Variants in TMED10 observed in about 807,000 individuals in gnomAD.
The protein encoded by TMED10 is transmembrane p24 trafficking protein 10.
Under a neutral mutation model 23.1 loss-of-function variants are expected in TMED10, and 7 were observed. The observed-to-expected ratio is 0.30, with a 90% confidence interval of 0.17 to 0.57. The LOEUF is 0.57. Among genes scored for constraint, TMED10 ranks in the 20% least tolerant of loss-of-function variants. The pLI, the probability that TMED10 is intolerant of heterozygous loss-of-function variation, is 0.91. For synonymous variants in TMED10, 113 were observed against 106.9 expected, an observed-to-expected ratio of 1.06 and a Z score of -0.35; for missense variants, 162 against 274.8, an observed-to-expected ratio of 0.59 and a Z score of 2.90.
chr14:75,159,162 G>A (rs150094151), intron 1 of TMED10, among the ~76,000 whole-genome samples: 91 of 152,236 alleles, frequency 6.0e-4, no homozygotes, highest in Non-Finnish European at 1.1e-3. Flanking sequence ...TAGACAGCAG[G>A]AATAACAGAT....
chr14:75,150,215 A>G (rs1055621150), intron 2 of TMED10, among the ~76,000 whole-genome samples: 1 of 152,228 alleles, frequency 6.6e-6, no homozygotes, highest in African/African-American at 2.4e-5. Context: ...GACAAGTCAC[A>G]TGTGTCTTCT....
chr14:75,176,382 G>A lies in TMED10; in HGVS notation c.198C>T (p.Gly66=), dbSNP rs1896305964. The change falls in exon 1 of 5, where the codon GGC becomes GGT. Residue 66 remains glycine, a synonymous_variant. Transcript: ENST00000303575. ...TGAGGTGGCTGCGCAGGCCGCCAGC[G>A]CCCCCAGACTGGTCGGAGATCTCGT... ...GAYEISDQSG[G]AGGLRSHLKI... is the part of the protein sequence containing the mutation. 6.2e-7 allele frequency: 1 copy of A among 1,614,138 alleles called. No individual in the cohort carries two copies. The highest frequency in any genetic ancestry group is 1.1e-5 in the South Asian group (1 of 91,082).
intron 1 of TMED10, among the ~76,000 whole-genome samples, chr14:75,175,680 T>C (rs1331696559): frequency 1.3e-5 from 2 of 151,866 alleles, no homozygotes; most frequent in Non-Finnish European, 2.9e-5. Context: ...ACACGGCACA[T>C]GTATACATAT....
intron 1 of TMED10, among the ~76,000 whole-genome samples, chr14:75,173,368 AGAGG>A (rs1316183399): frequency 6.8e-6 from 1 of 146,750 alleles, no homozygotes; most frequent in Non-Finnish European, 1.5e-5. Context: ...AGGGAGGGAG[AGAGG>A]GAGGAAGAAA....
chr14:75,151,931 T>A (rs1895960374), intron 2 of TMED10, 101 bp downstream of exon 2: 1 of 1,041,984 alleles, frequency 9.6e-7, no homozygotes, highest in Non-Finnish European at 1.4e-6. Flanking sequence ...TCAGAATAAA[T>A]AAAGAATACA....
chr14:75,159,974 T>C (rs1361991730), intron 1 of TMED10, among the ~76,000 whole-genome samples: 4 of 152,180 alleles, frequency 2.6e-5, no homozygotes, highest in Non-Finnish European at 5.9e-5. Context: ...ACATGAAATT[T>C]ACCTCCCAGA....
chr14:75,171,208 G>A (rs1173591417), intron 1 of TMED10, among the ~76,000 whole-genome samples: 2 of 152,030 alleles, frequency 1.3e-5, no homozygotes, highest in African/African-American at 2.4e-5. Context: ...AAGAAGGGGT[G>A]GTGAGGAACA....
intron 3 of TMED10, 25 bp from the exon 4 acceptor site, chr14:75,135,911 GCT>G (rs1594863012): frequency 6.2e-7 from 1 of 1,611,840 alleles, no homozygotes; most frequent in Non-Finnish European, 8.5e-7. Flanking sequence ...AATATTTTCA[GCT>G]CTCTGAAAAC....
At chr14:75,136,242 T>C (rs982118654) in intron 3 of TMED10, among the ~76,000 whole-genome samples, 2 of 152,100 alleles carry the variant, frequency 1.3e-5, no homozygotes, top group African/African-American at 4.8e-5. Context: ...CACTGCAGGC[T>C]CGACCTCCTG....
intron 3 of TMED10, among the ~76,000 whole-genome samples, chr14:75,138,812 C>CT (rs59707221): frequency 0.079 from 7,444 of 94,488 alleles, 287 homozygotes; most frequent in African/African-American, 0.11. Context: ...GCCTTTGCTT[C>CT]TTTTTTTTTT....
chr14:75,155,025 C>T (rs535304901), intron 1 of TMED10, among the ~76,000 whole-genome samples: 1 of 151,126 alleles, frequency 6.6e-6, no homozygotes, highest in Non-Finnish European at 1.5e-5. Context: ...GTGGCGCAAT[C>T]CCGGCTCACT....
intron 3 of TMED10, among the ~76,000 whole-genome samples, chr14:75,145,361 G>A (rs779297873): frequency 1.3e-5 from 2 of 152,154 alleles, no homozygotes; most frequent in Non-Finnish European, 2.9e-5. Context: ...AGGAGGTATA[G>A]GGGTTCTAAA....
rs1044880649 is a variant in TMED10 at position 75,131,609 on chromosome 14, G to A, written c.*3276C>T. 2.0e-5 allele frequency: 3 copies of A among 152,540 alleles called. No homozygotes were observed. Among genetic ancestry groups the A allele is most frequent in the African/African-American group, 4.8e-5 (2 of 41,400 alleles). The allele number at this position is 152,540 out of a possible 1,614,324, so 9.4% of individuals were successfully genotyped here. ...TTTATGACAGGGGTCCATGACAATGGTATAACAAGGCTTACTTAAACTGCA... is the reference window on the plus strand; with the variant it reads ...TTTATGACAGGGGTCCATGACAATGATATAACAAGGCTTACTTAAACTGCA... On this transcript the variant is annotated 3_prime_UTR_variant, in exon 5 of 5. Coordinates refer to ENST00000303575, the MANE Select transcript of TMED10 (RefSeq NM_006827.6).
intron 1 of TMED10, among the ~76,000 whole-genome samples, chr14:75,161,998 G>A (rs73311681): frequency 1.3e-5 from 2 of 148,692 alleles, no homozygotes; most frequent in Non-Finnish European, 3.0e-5. Context: ...AGTAAGAAGT[G>A]CTCAAAAACA....
At chr14:75,147,412 T>A (rs1410863001) in intron 3 of TMED10, 13 of 502,854 alleles carry the variant, frequency 2.6e-5, no homozygotes, top group Non-Finnish European at 4.7e-5. Flanking sequence ...CAGGCTGGTA[T>A]CGAACTCCTG....
intron 1 of TMED10, among the ~76,000 whole-genome samples, chr14:75,161,272 C>CA (rs1406235634): frequency 2.0e-5 from 3 of 151,876 alleles, no homozygotes; most frequent in African/African-American, 7.3e-5. Flanking sequence ...ACCAAACATT[C>CA]AAAATAAAAC....
intron 3 of TMED10, chr14:75,136,890 C>CTTA (rs1273254210): frequency 6.6e-6 from 1 of 152,148 alleles, no homozygotes; most frequent in Non-Finnish European, 1.5e-5. Flanking sequence ...TAAGAAAACT[C>CTTA]TTAAGAGTAT....
Position 75,134,994 on chromosome 14 carries a change from GTGTT to G in TMED10, c.547_550del (p.Asn183LeufsTer17). On this transcript the variant is annotated frameshift_variant, in exon 5 of 5. Transcript: ENST00000303575. LOFTEE classifies it high-confidence loss of function. Reference sequence around the variant, plus strand: ...AAAGATGCTGAAGTATAGGACCCGAGTGTTTGTTGACTCTAAAAAAAAACAAAAG... The same window carrying G: ...AAAGATGCTGAAGTATAGGACCCGAGTGTTGACTCTAAAAAAAAACAAAAG... The G allele has an allele frequency of 6.2e-7, 1 of 1,613,894 alleles. No homozygotes were observed. The highest frequency in any genetic ancestry group is 8.5e-7 in the Non-Finnish European group (1 of 1,179,904).
intron 1 of TMED10, among the ~76,000 whole-genome samples, chr14:75,156,077 G>A (rs1201639963): frequency 1.3e-5 from 2 of 151,986 alleles, no homozygotes; most frequent in African/African-American, 4.8e-5. Context: ...CAAAGTGGAA[G>A]GGCAATAAGG....
Sources: gnomAD v4.1 joint callset for allele counts (sites outside exome capture counted in the v4.1 genomes callset) on GRCh38, gnomAD v4.1.1 for gene constraint, MANE v1.5 for transcripts, NCBI Gene and HGNC (gene_info 2026-07-23, HGNC 2026-07-21) for gene names.